The following STAG2 variants were observed in gnomAD, a reference collection of about 807,000 sequenced individuals.
The protein encoded by STAG2 is STAG2 cohesin complex component, also known as cohesin subunit SA-2.
A neutral mutation model predicts 108.1 loss-of-function variants in STAG2; 14 were observed. That is an observed-to-expected ratio of 0.13 (90% CI 0.09 to 0.20). The LOEUF is 0.20. STAG2 is among the 10% of genes least tolerant of loss of function. STAG2 has a pLI of 1.00. For synonymous variants in STAG2, 307 were observed against 302.7 expected (o/e 1.01, Z -0.15); for missense variants, 440 against 940.9 (o/e 0.47, Z 6.96).
In STAG2 at chrX:124,066,210, G is replaced by A. The variant is rs757510754; in HGVS notation, c.2132G>A (p.Cys711Tyr). The A allele has an allele frequency of 1.3e-5, 10 of 794,416 alleles. No homozygotes were observed. Among genetic ancestry groups the A allele is most frequent in the Non-Finnish European group, 1.5e-5 (9 of 611,350 alleles). 65.5% of individuals were successfully genotyped at this position (794,416 alleles called of 1,213,427 possible). ...HDLSKWDLFA[C>Y]NYKLLKTGIE... The stretch of plus-strand genomic sequence containing the variant: ...CTTTCAAAGTGGGATTTATTTGCTT[G>A]TAATTACAAACTCTTGAAAACTGGA... The change falls in exon 22 of 35, where the codon TGT (cysteine) becomes TAT (tyrosine). Residue 711 changes from cysteine to tyrosine, a missense_variant. Transcript: ENST00000371145.
At chrX:124,022,470 G>C (rs763518607) in intron 2 of STAG2, 61 bp from the exon 3 acceptor site, 7 of 426,663 alleles carry the variant, frequency 1.6e-5, no homozygotes, top group Non-Finnish European at 2.8e-5. Context: ...TTTGAGTATG[G>C]ATATCCTTTC....
chrX:124,050,616 AT>A (rs1422553977), intron 11 of STAG2, among the ~76,000 whole-genome samples: 3 of 110,980 alleles, frequency 2.7e-5, no homozygotes, highest in Non-Finnish European at 5.7e-5. Flanking sequence ...CGCTGTTGTT[AT>A]CTGAGAGCTA....
chrX:123,972,684 C>T (rs998167131), intron 1 of STAG2, among the ~76,000 whole-genome samples: 1 of 107,924 alleles, frequency 9.3e-6, no homozygotes, highest in African/African-American at 3.4e-5. Flanking sequence ...GTAGTGACTA[C>T]GGGAGACAAA....
At chrX:123,969,352 C>G (rs1229099167) in intron 1 of STAG2, among the ~76,000 whole-genome samples, 1 of 111,185 alleles carries the variant, frequency 9.0e-6, no homozygotes, top group African/African-American at 3.3e-5. Context: ...GAGAATTGTT[C>G]CCCAGTCCTT....
chrX:124,051,479 T>C, intron 13 of STAG2, 85 bp downstream of exon 13: 1 of 708,799 alleles, frequency 1.4e-6, no homozygotes, highest in African/African-American at 2.2e-5. Flanking sequence ...CTCATCTAGG[T>C]CTAAATTTTA....
At chrX:124,093,989 G>T in intron 32 of STAG2, 29 bp from the exon 33 acceptor site, 1 of 1,207,743 alleles carries the variant, frequency 8.3e-7, no homozygotes, top group Non-Finnish European at 1.1e-6. Flanking sequence ...CATTAGTTCA[G>T]ATCTTGACTT....
chrX:124,067,146 C>T (rs1291448822), intron 23 of STAG2, among the ~76,000 whole-genome samples: 2 of 111,440 alleles, frequency 1.8e-5, no homozygotes, highest in Non-Finnish European at 3.8e-5. Flanking sequence ...GTTGCCTAAA[C>T]CCACAGAATA....
chrX:123,978,999 T>C (rs1027875045), intron 1 of STAG2, among the ~76,000 whole-genome samples: 2 of 111,446 alleles, frequency 1.8e-5, no homozygotes, highest in African/African-American at 6.5e-5. Flanking sequence ...GTACATTCCA[T>C]GTGTCAGATA....
chrX:123,963,578 G>T (rs2053967048), intron 1 of STAG2, among the ~76,000 whole-genome samples: 1 of 108,865 alleles, frequency 9.2e-6, no homozygotes, highest in Non-Finnish European at 1.9e-5. Flanking sequence ...TCAAGTGGTT[G>T]AATTGCAGTT....
At chrX:124,002,812 CTTTTT>C (rs111999061) in intron 1 of STAG2, among the ~76,000 whole-genome samples, 6 of 92,945 alleles carry the variant, frequency 6.5e-5, no homozygotes, top group Non-Finnish European at 1.1e-4. Context: ...TTCTTTCTTT[CTTTTT>C]TTTTTTTTTT....
intron 14 of STAG2, among the ~76,000 whole-genome samples, chrX:124,057,585 T>C (rs1026554099): frequency 1.6e-4 from 18 of 112,397 alleles, no homozygotes; most frequent in Admixed American, 1.4e-3. Flanking sequence ...GCAACAGTTA[T>C]ATAAAATACA....
chrX:124,002,621 G>GC (rs2056093155), intron 1 of STAG2, among the ~76,000 whole-genome samples: 1 of 110,188 alleles, frequency 9.1e-6, no homozygotes, highest in Non-Finnish European at 1.9e-5. Context: ...TTCTGCGTCA[G>GC]CCATACACCT....
At position 124,062,994 on chromosome X, in the gene STAG2, A is replaced by G; in HGVS notation, c.1731A>G (p.Lys577=). 7.4e-6 allele frequency: 9 copies of G among 1,209,201 alleles called. No individual in the cohort carries two copies. Among genetic ancestry groups the G allele is most frequent in the Non-Finnish European group, 1.0e-5 (9 of 893,596 alleles). Residue 577 remains lysine, a splice_region_variant and synonymous_variant, in exon 18 of 35, where the codon AAA becomes AAG. Transcript: ENST00000371145. ...TGGCCCTTCCTCAGTTATTAGCAAAAGTAAGTTTGTGTCAATATCATAGTG... is the reference window on the plus strand; with the variant it reads ...TGGCCCTTCCTCAGTTATTAGCAAAGGTAAGTTTGTGTCAATATCATAGTG... ...FAVALPQLLA[K]YSVDAEKVTN...
intron 15 of STAG2, 28 bp downstream of exon 15, chrX:124,058,005 T>C (rs781126894): frequency 9.6e-7 from 1 of 1,038,095 alleles, no homozygotes. Flanking sequence ...ATTTTATACT[T>C]AGGTTCGAAA....
chrX:124,001,645 C>T (rs2056048100), intron 1 of STAG2, among the ~76,000 whole-genome samples: 1 of 111,144 alleles, frequency 9.0e-6, no homozygotes, highest in Non-Finnish European at 1.9e-5. Context: ...AAATACTTAC[C>T]ATTGTGTTAG....
chrX:124,001,005 AGT>A (rs1434113784), intron 1 of STAG2, among the ~76,000 whole-genome samples: 5 of 112,505 alleles, frequency 4.4e-5, no homozygotes, highest in Admixed American at 2.8e-4. Flanking sequence ...TTTTAAGCTA[AGT>A]GTTATAATTA....
intron 17 of STAG2, 24 bp downstream of exon 17, chrX:124,061,898 A>G (rs2058390765): frequency 2.9e-6 from 3 of 1,049,710 alleles, no homozygotes; most frequent in Non-Finnish European, 3.9e-6. Flanking sequence ...TGTCTTTTCA[A>G]TATTCTAAAC....
At position 124,101,521 on chromosome X, in the gene STAG2, G is replaced by T. The variant is rs183029659; in HGVS notation, c.*924G>T. 6.6e-6 allele frequency: 1 copy of T among 150,968 alleles called. No homozygotes were observed. Among genetic ancestry groups the T allele is most frequent in the East Asian group, 1.0e-4 (1 of 9,961 alleles). 12.4% of individuals were successfully genotyped at this position (150,968 alleles called of 1,213,427 possible). On this transcript the variant is annotated 3_prime_UTR_variant, in exon 35 of 35. Transcript: ENST00000371145. ...AAATTGGTGCTGATTTTATAATTGCGCAGTTTGTTTAGTTTTTTCTTACTT... is the reference window on the plus strand; with the variant it reads ...AAATTGGTGCTGATTTTATAATTGCTCAGTTTGTTTAGTTTTTTCTTACTT...
intron 1 of STAG2, among the ~76,000 whole-genome samples, chrX:124,018,146 G>T (rs1191110578): frequency 1.8e-5 from 2 of 112,013 alleles, no homozygotes; most frequent in Non-Finnish European, 3.8e-5. Flanking sequence ...CTCCAAAGCT[G>T]TTAGAATGTT....
Sources: allele counts gnomAD v4.1 joint callset (sites outside exome capture counted in the v4.1 genomes callset), GRCh38; gene constraint gnomAD v4.1.1; transcripts MANE v1.5; gene names NCBI Gene and HGNC (gene_info 2026-07-23, HGNC 2026-07-21).